The following PAX1 variants were observed in gnomAD, a reference collection of about 807,000 sequenced individuals.
PAX1 encodes paired box protein Pax-1.
Under a neutral mutation model 35.6 loss-of-function variants are expected in PAX1, and 18 were observed. The ratio of observed to expected loss-of-function variants is 0.50; its 90% CI spans 0.35 to 0.75. The LOEUF (loss-of-function observed/expected upper bound fraction) is 0.75. PAX1 is among the 30% of genes least tolerant of loss of function. The pLI, the probability that PAX1 is intolerant of heterozygous loss-of-function variation, is 0.01. For missense variants in PAX1, 760 were observed against 661.5 expected, an observed-to-expected ratio of 1.15 and a Z score of -1.63; for synonymous variants, 397 against 305.2, an observed-to-expected ratio of 1.30 and a Z score of -3.14.
At position 21,706,849 on chromosome 20, in the gene PAX1, C is replaced by T. The variant is rs1254928678; in HGVS notation, c.698C>T (p.Pro233Leu). ...ATCGGCAGCCTGGCGCAGCCCGGAC[C>T]GTACGAGGCAAGTAAGCAGCCGCCG... ...NKIGSLAQPGPYEASKQPPSQ... is the reference protein window; with the variant it reads ...NKIGSLAQPGLYEASKQPPSQ... Residue 233 changes from proline to leucine, a missense_variant, in exon 2 of 5, where the codon CCG becomes CTG. Physicochemically the swap from Pro to Leu is moderately conservative, Grantham distance 98 (BLOSUM62 -3). Transcript: ENST00000613128. This position sits in a 1 kb window ranked among gnomAD's most constrained non-coding sequence, Gnocchi z 5.3. 14 of 1,613,254 alleles carry T rather than the reference C, an allele frequency of 8.7e-6. No individual in the cohort carries two copies. In the African/African-American group the frequency reaches 1.1e-4, roughly 12 times the overall value.
At position 21,709,186 on chromosome 20, in the gene PAX1, T is replaced by C. The variant is rs149729780; in HGVS notation, c.1060-36T>C. The C allele has an allele frequency of 3.5e-4, 525 of 1,520,296 alleles. No homozygotes were observed. The African/African-American group carries it at 6.3e-3, about 18-fold the overall frequency. 94.2% of individuals were successfully genotyped at this position (1,520,296 alleles called of 1,614,324 possible). On this transcript the variant is annotated intron_variant, in intron 3 of 4. Transcript: ENST00000613128. The stretch of plus-strand genomic sequence containing the variant: ...ATGGCGTGGGCTAGAGAAGGCAGGA[T>C]TTTCTGCTGCTGACGGTCCCTCTCT...
In PAX1 at chr20:21,714,595, A is replaced by AACG; in HGVS notation, c.*34_*36dup. ...TCTCCCCGGACCCGAGCCCGGAGGG[A>AACG]ACGGCAGGCGGACCCGGGCGCACAG... On this transcript the variant is annotated 3_prime_UTR_variant, in exon 5 of 5. Coordinates refer to ENST00000613128, the MANE Select transcript of PAX1 (RefSeq NM_001257096.2). The AACG allele has an allele frequency of 6.4e-7, 1 of 1,565,332 alleles. No homozygotes were observed. Among genetic ancestry groups the AACG allele is most frequent in the East Asian group, 2.4e-5 (1 of 42,160 alleles).
In PAX1 at chr20:21,710,156, C is replaced by T. The variant is rs571976622; in HGVS notation, c.1282+712C>T. On this transcript the variant is annotated intron_variant, in intron 4 of 4. Transcript: ENST00000613128. Reference sequence around the variant, plus strand: ...GGGAGTCTTGCCTCCTTTTCCGCTTCCTCCTTCTCTTCCTTTTCCATAAGT... The same window carrying T: ...GGGAGTCTTGCCTCCTTTTCCGCTTTCTCCTTCTCTTCCTTTTCCATAAGT... Among the ~76,000 whole-genome samples, 5 of 152,122 alleles carry T rather than the reference C, an allele frequency of 3.3e-5. No individual in the cohort carries two copies. In the South Asian group the frequency reaches 1.0e-3, roughly 32 times the overall value.
chr20:21,713,841 T>A (rs1276548316), intron 4 of PAX1, among the ~76,000 whole-genome samples: 1 of 152,262 alleles, frequency 6.6e-6, no homozygotes. Flanking sequence ...TGAGCGCATC[T>A]GGATCCCCGG....
At chr20:21,708,144 TCTC>T in intron 2 of PAX1, 1 of 316,698 alleles carries the variant, frequency 3.2e-6, no homozygotes, top group South Asian at 3.1e-5. Flanking sequence ...CAGAGGCAGT[TCTC>T]GTAGAATCGT....
Position 21,706,401 on chromosome 20 carries a change from T to C in PAX1, c.287-37T>C, listed in dbSNP as rs1600324848. The C allele has an allele frequency of 6.2e-7, 1 of 1,608,406 alleles. No individual in the cohort carries two copies. The highest frequency in any genetic ancestry group is 8.5e-7 in the Non-Finnish European group (1 of 1,179,744). Reference sequence around the variant, plus strand: ...CTTGGCTAACCCGCCGGGTGTTTTCTCCCCCTCCGGCTCACTCTTGTCTGG... The same window carrying C: ...CTTGGCTAACCCGCCGGGTGTTTTCCCCCCCTCCGGCTCACTCTTGTCTGG... On this transcript the variant is annotated intron_variant, in intron 1 of 4. Coordinates refer to ENST00000613128, the MANE Select transcript of PAX1 (RefSeq NM_001257096.2). This position sits in a 1 kb window ranked among gnomAD's most constrained non-coding sequence, Gnocchi z 5.3.
chr20:21,711,578 A>G (rs1464893163), intron 4 of PAX1, among the ~76,000 whole-genome samples: 1 of 152,240 alleles, frequency 6.6e-6, no homozygotes, highest in Non-Finnish European at 1.5e-5. Flanking sequence ...TACTCTAGTT[A>G]TTAAATTAAT....
At chr20:21,710,837 C>A (rs551179403) in intron 4 of PAX1, among the ~76,000 whole-genome samples, 2 of 152,288 alleles carry the variant, frequency 1.3e-5, no homozygotes, top group South Asian at 4.1e-4. Flanking sequence ...TAGTTACAGA[C>A]AAATCCAAAT....
In PAX1 at chr20:21,706,147, G is replaced by C. The variant is rs1176629726; in HGVS notation, c.286+149G>C. The C allele has an allele frequency of 1.2e-6, 1 of 807,058 alleles. No individual in the cohort carries two copies. The highest frequency in any genetic ancestry group is 2.1e-6 in the Non-Finnish European group (1 of 486,480). 50.0% of individuals were successfully genotyped at this position (807,058 alleles called of 1,614,324 possible). On this transcript the variant is annotated intron_variant, in intron 1 of 4. Transcript: ENST00000613128. This position sits in a 1 kb window ranked among gnomAD's most constrained non-coding sequence, Gnocchi z 5.3. ...TCTCCTCTGATCCCCAGCCTTCAGG[G>C]GGCAGTTGAGCAAGTCTGGGAAGGG...
chr20:21,717,787 T>A lies in PAX1; in HGVS notation c.*3225T>A, dbSNP rs1985419895. 6.6e-6 allele frequency: 1 copy of A among 152,070 alleles called. No individual in the cohort carries two copies. The highest frequency in any genetic ancestry group is 6.5e-5 in the Admixed American group (1 of 15,268). 9.4% of individuals were successfully genotyped at this position (152,070 alleles called of 1,614,324 possible). On this transcript the variant is annotated 3_prime_UTR_variant, in exon 5 of 5. Transcript: ENST00000613128. ...CTCTGATTTTTTGAAAGAATAGAAA[T>A]AATATATGCGTATCACTAAAAAACT...
chr20:21,715,149 C>CT lies in PAX1; in HGVS notation c.*588dup, dbSNP rs1241982409. On this transcript the variant is annotated 3_prime_UTR_variant, in exon 5 of 5. Transcript: ENST00000613128. ...TCCATCCCTGTCGTTCCTTCTCTCTCTGTCTCTGGTTCTACTGTCAAGGGC... is the reference window on the plus strand; with the variant it reads ...TCCATCCCTGTCGTTCCTTCTCTCTCTTGTCTCTGGTTCTACTGTCAAGGGC... 2.6e-6 allele frequency: 1 copy of CT among 388,532 alleles called. No homozygotes were observed. Among genetic ancestry groups the CT allele is most frequent in the African/African-American group, 2.1e-5 (1 of 47,892 alleles). The allele number at this position is 388,532 out of a possible 1,614,324, so 24.1% of individuals were successfully genotyped here.
Position 21,714,997 on chromosome 20 carries a change from C to T in PAX1, c.*435C>T, listed in dbSNP as rs1207277494. The T allele has an allele frequency of 3.1e-6, 2 of 654,336 alleles. No homozygotes were observed. The highest frequency in any genetic ancestry group is 1.8e-5 in the South Asian group (1 of 55,968). The allele number at this position is 654,336 out of a possible 1,614,324, so 40.5% of individuals were successfully genotyped here. A position where few individuals can be genotyped will look rare whatever the true frequency, so the allele number is the denominator to read the frequency against. ...CCTCCCTACCTTCCACCCCGGCTTTCCCCGACCTTCCAGGGCTCCCTCTGC... is the reference window on the plus strand; with the variant it reads ...CCTCCCTACCTTCCACCCCGGCTTTTCCCGACCTTCCAGGGCTCCCTCTGC... On this transcript the variant is annotated 3_prime_UTR_variant, in exon 5 of 5. Coordinates refer to ENST00000613128, the MANE Select transcript of PAX1 (RefSeq NM_001257096.2).
chr20:21,708,090 G>A (rs1185990382), intron 2 of PAX1, among the ~76,000 whole-genome samples: 2 of 152,240 alleles, frequency 1.3e-5, no homozygotes, highest in Non-Finnish European at 2.9e-5. Flanking sequence ...TGACCCGTGG[G>A]GACAACAATG....
In PAX1 at chr20:21,705,852, G is replaced by A; in HGVS notation, c.140G>A (p.Arg47His). ...AQRVSSPRLG[R>H]RGSRLSGALP... ...CGCGTCTCCAGCCCGCGGCTGGGCC[G>A]CCGCGGCTCTCGGCTCTCGGGCGCC... The change falls in exon 1 of 5, where the codon CGC becomes CAC. Residue 47 changes from arginine to histidine, a missense_variant. Physicochemically the swap from Arg to His is conservative, Grantham distance 29 (BLOSUM62 0). Transcript: ENST00000613128. The A allele has an allele frequency of 2.2e-6, 3 of 1,373,308 alleles. No homozygotes were observed. Among genetic ancestry groups the A allele is most frequent in the South Asian group, 1.6e-5 (1 of 61,018 alleles). 85.1% of individuals were successfully genotyped at this position (1,373,308 alleles called of 1,614,324 possible). A position where few individuals can be genotyped will look rare whatever the true frequency, so the allele number is the denominator to read the frequency against.
chr20:21,716,323 T>G lies in PAX1; in HGVS notation c.*1761T>G, dbSNP rs1985370841. ...AAACTGATGGAAGAGATTTTTGAATTGAAGTTGCTGTTTGTGAGTGGAGCT... is the reference window on the plus strand; with the variant it reads ...AAACTGATGGAAGAGATTTTTGAATGGAAGTTGCTGTTTGTGAGTGGAGCT... On this transcript the variant is annotated 3_prime_UTR_variant, in exon 5 of 5. Coordinates refer to ENST00000613128, the MANE Select transcript of PAX1 (RefSeq NM_001257096.2). 2 of 152,166 alleles carry G rather than the reference T, an allele frequency of 1.3e-5. No homozygotes were observed. Among genetic ancestry groups the G allele is most frequent in the South Asian group, 2.1e-4 (1 of 4,824 alleles). 9.4% of individuals were successfully genotyped at this position (152,166 alleles called of 1,614,324 possible). A position where few individuals can be genotyped will look rare whatever the true frequency, so the allele number is the denominator to read the frequency against.
Position 21,718,265 on chromosome 20 carries a change from G to A in PAX1, c.*3703G>A, listed in dbSNP as rs184750267. ...AAGGAAAACAAACCAAAGGAAAGGA[G>A]GATTGAGGGGCAAGAGGCATGAAGT... On this transcript the variant is annotated 3_prime_UTR_variant, in exon 5 of 5. Coordinates refer to ENST00000613128, the MANE Select transcript of PAX1 (RefSeq NM_001257096.2). 10 of 151,964 alleles carry A rather than the reference G, an allele frequency of 6.6e-5. No individual in the cohort carries two copies. The highest frequency in any genetic ancestry group is 1.5e-4 in the African/African-American group (6 of 41,226). The allele number at this position is 151,964 out of a possible 1,614,324, so 9.4% of individuals were successfully genotyped here. A position where few individuals can be genotyped will look rare whatever the true frequency, so the allele number is the denominator to read the frequency against.
intron 2 of PAX1, among the ~76,000 whole-genome samples, chr20:21,707,860 G>A (rs532187907): frequency 6.6e-6 from 1 of 152,230 alleles, no homozygotes; most frequent in East Asian, 1.9e-4. Context: ...AGTGGTGGCT[G>A]GAAAGAAACT....
In PAX1 at chr20:21,706,368, TG is replaced by T; in HGVS notation, c.287-66del. ...CCTGGGTGCAGTCCCTCGCTCCGCG[TG>T]GGGACCCTTGGCTAACCCGCCGGGT... On this transcript the variant is annotated intron_variant, in intron 1 of 4. Coordinates refer to ENST00000613128, the MANE Select transcript of PAX1 (RefSeq NM_001257096.2). The surrounding 1 kb of genome is among the most constrained non-coding windows in gnomAD (Gnocchi z 5.3). 1.3e-6 allele frequency: 2 copies of T among 1,581,248 alleles called. No homozygotes were observed.
rs1015554599 is a variant in PAX1, at chr20:21,706,012, G to T, written c.286+14G>T. 16 of 1,463,156 alleles carry T rather than the reference G, an allele frequency of 1.1e-5. No homozygotes were observed. In the African/African-American group the frequency reaches 2.0e-4, roughly 18 times the overall value. 90.6% of individuals were successfully genotyped at this position (1,463,156 alleles called of 1,614,324 possible). ...CGCTCGCTATGGGTAAGGGGCGGGC[G>T]ACAGGCAGGGCTCGGGAGGGCTGAT... On this transcript the variant is annotated intron_variant, in intron 1 of 4. Transcript: ENST00000613128. This position sits in a 1 kb window ranked among gnomAD's most constrained non-coding sequence, Gnocchi z 5.3.
Sources: allele counts gnomAD v4.1 joint callset (sites outside exome capture counted in the v4.1 genomes callset), GRCh38; gene constraint gnomAD v4.1.1; non-coding constraint Gnocchi (gnomAD v3.1); transcripts MANE v1.5; gene names NCBI Gene and HGNC (gene_info 2026-07-23, HGNC 2026-07-21).